The following PTPRR variants were observed in gnomAD, a reference collection of about 807,000 sequenced individuals.
PTPRR encodes the protein receptor-type tyrosine-protein phosphatase R.
PTPRR carries 38 observed loss-of-function variants against 77.2 expected under a neutral mutation model. That is an observed-to-expected ratio of 0.49 (90% CI 0.38 to 0.65). The LOEUF is 0.65. PTPRR is among the 30% of genes least tolerant of loss of function. PTPRR has a pLI of 0.00. For synonymous variants in PTPRR, 299 were observed against 283.1 expected (o/e 1.06, Z -0.57); for missense variants, 744 against 799.2 (o/e 0.93, Z 0.83).
At chr12:70,770,723 C>G (rs142783079) in intron 2 of PTPRR, among the ~76,000 whole-genome samples, 1,752 of 152,190 alleles carry the variant, frequency 0.012, 30 homozygotes, top group African/African-American at 0.04. Context: ...TATTGCGGCA[C>G]AATTCACAAT....
chr12:70,920,526 A>T lies in PTPRR; in HGVS notation c.-136T>A. On this transcript the variant is annotated 5_prime_UTR_variant, in exon 1 of 14. Coordinates refer to ENST00000283228, the MANE Select transcript of PTPRR (RefSeq NM_002849.4). The stretch of plus-strand genomic sequence containing the variant: ...CTCGGCTGGGGTTTGCAGAGCAGTC[A>T]GTCTGTGGCGCCGACAGAAACCAGC... The T allele has an allele frequency of 2.6e-6, 2 of 763,592 alleles. No homozygotes were observed. Among genetic ancestry groups the T allele is most frequent in the Non-Finnish European group, 2.2e-6 (1 of 460,440 alleles). The allele number at this position is 763,592 out of a possible 1,614,324, so 47.3% of individuals were successfully genotyped here. A position where few individuals can be genotyped will look rare whatever the true frequency, so the allele number is the denominator to read the frequency against.
At position 70,920,509 on chromosome 12, in the gene PTPRR, G is replaced by A. The variant is rs1297356607; in HGVS notation, c.-119C>T. The A allele has an allele frequency of 9.4e-6, 9 of 954,000 alleles. No homozygotes were observed. Among genetic ancestry groups the A allele is most frequent in the East Asian group, 8.0e-5 (3 of 37,488 alleles). 59.1% of individuals were successfully genotyped at this position (954,000 alleles called of 1,614,324 possible). A position where few individuals can be genotyped will look rare whatever the true frequency, so the allele number is the denominator to read the frequency against. On this transcript the variant is annotated 5_prime_UTR_variant, in exon 1 of 14. Coordinates refer to ENST00000283228, the MANE Select transcript of PTPRR (RefSeq NM_002849.4). ...TCTCCGGGATTCAGGTCCTCGGCTG[G>A]GGTTTGCAGAGCAGTCAGTCTGTGG...
At chr12:70,891,762 G>C (rs2137116283) in intron 2 of PTPRR, among the ~76,000 whole-genome samples, 1 of 151,990 alleles carries the variant, frequency 6.6e-6, no homozygotes, top group East Asian at 1.9e-4. Context: ...ATATGTAGTA[G>C]GTTAAAAAAA....
intron 8 of PTPRR, among the ~76,000 whole-genome samples, chr12:70,690,561 G>T (rs1264601137): frequency 6.6e-6 from 1 of 152,216 alleles, no homozygotes; most frequent in Non-Finnish European, 1.5e-5. Context: ...GCAGTGATTA[G>T]TTCAGTCTGG....
chr12:70,897,823 C>T (rs199586632), intron 1 of PTPRR, among the ~76,000 whole-genome samples: 1 of 151,776 alleles, frequency 6.6e-6, no homozygotes, highest in Non-Finnish European at 1.5e-5. Flanking sequence ...TACTATGCAG[C>T]CATAAAAAAG....
At chr12:70,820,914 T>C (rs1249897381) in intron 2 of PTPRR, among the ~76,000 whole-genome samples, 1 of 152,132 alleles carries the variant, frequency 6.6e-6, no homozygotes, top group Admixed American at 6.5e-5. Flanking sequence ...GTATAAGTCC[T>C]CAACTCTCTT....
rs186926082 is a variant in PTPRR at position 70,733,184 on chromosome 12, A to G, written c.1007+12634T>C. 9.1e-4 allele frequency among the ~76,000 whole-genome samples: 139 copies of G among 152,228 alleles called. 1 individual carries two copies. The highest frequency in any genetic ancestry group is 3.3e-3 in the African/African-American group (136 of 41,540). On this transcript the variant is annotated intron_variant, in intron 6 of 13. Transcript: ENST00000283228. ...CTATAAGACATTATTAGGGAACAATAATTTCATTTGATACACTGTTGTTAA... is the reference window on the plus strand; with the variant it reads ...CTATAAGACATTATTAGGGAACAATGATTTCATTTGATACACTGTTGTTAA...
At position 70,696,944 on chromosome 12, in the gene PTPRR, T is replaced by C. The variant is rs189093933; in HGVS notation, c.1279+1321A>G. On this transcript the variant is annotated intron_variant, in intron 8 of 13. Transcript: ENST00000283228. The stretch of plus-strand genomic sequence containing the variant: ...GGTTCATCAGTGCCTTGTTCCTTTT[T>C]ATTGATTCTATTGTGTGACTATACT... 2.9e-3 allele frequency among the ~76,000 whole-genome samples: 435 copies of C among 152,324 alleles called. 1 individual carries two copies. Among genetic ancestry groups the C allele is most frequent in the Non-Finnish European group, 3.0e-3 (202 of 68,018 alleles).
At chr12:70,670,403 C>T (rs1017942450) in intron 10 of PTPRR, among the ~76,000 whole-genome samples, 7 of 152,224 alleles carry the variant, frequency 4.6e-5, no homozygotes, top group Non-Finnish European at 1.0e-4. Context: ...ACTCCATCAA[C>T]TCACTAACTT....
At chr12:70,766,230 A>C (rs1890818613) in intron 2 of PTPRR, among the ~76,000 whole-genome samples, 1 of 152,214 alleles carries the variant, frequency 6.6e-6, no homozygotes, top group Non-Finnish European at 1.5e-5. Context: ...TACAGGAGGA[A>C]ATTCAAACCA....
rs555962730 is a variant in PTPRR, at chr12:70,890,411, A to G, written c.357+2268T>C. On this transcript the variant is annotated intron_variant, in intron 2 of 13. Transcript: ENST00000283228. ...AAATGCTTTGCGGTGGCAATTGGGA[A>G]TCAGGAAGGGAGGAGAGACACAACT... Among the ~76,000 whole-genome samples, 13 of 152,290 alleles carry G rather than the reference A, an allele frequency of 8.5e-5. 1 individual carries two copies. In the South Asian group the frequency reaches 2.7e-3, roughly 32 times the overall value.
At chr12:70,657,011 G>T (rs1886609910) in intron 12 of PTPRR, among the ~76,000 whole-genome samples, 194 bp from the exon 13 acceptor site, 1 of 151,392 alleles carries the variant, frequency 6.6e-6, no homozygotes, top group Non-Finnish European at 1.5e-5. Context: ...AGGATGAGAG[G>T]GGTGGGGGGA....
At chr12:70,713,171 C>T (rs1005419479) in intron 6 of PTPRR, among the ~76,000 whole-genome samples, 2 of 152,096 alleles carry the variant, frequency 1.3e-5, no homozygotes, top group Non-Finnish European at 2.9e-5. Flanking sequence ...TGTCTGACTT[C>T]TTTTACGTAG....
chr12:70,725,844 A>G (rs1049056612), intron 6 of PTPRR, among the ~76,000 whole-genome samples: 3 of 152,176 alleles, frequency 2.0e-5, no homozygotes, highest in Non-Finnish European at 4.4e-5. Flanking sequence ...ATACAGGCCA[A>G]TATTTCTAGA....
In PTPRR at chr12:70,764,749, G is replaced by A. The variant is rs1245791243; in HGVS notation, c.387C>T (p.Asn129=). Residue 129 remains asparagine (N), a synonymous_variant, in exon 3 of 14, where the codon AAC becomes AAT. Coordinates refer to ENST00000283228, the MANE Select transcript of PTPRR (RefSeq NM_002849.4). ...GGCGGAAGATCCGAAGCAAGGTTAT[G>A]TTCAGCTTGTTTACATCCATTTGCA... The part of the protein sequence containing the change: ...VTLQMDVNKL[N]ITLLRIFRQG... 5 of 1,614,028 alleles carry A rather than the reference G, an allele frequency of 3.1e-6. No individual in the cohort carries two copies. The highest frequency in any genetic ancestry group is 4.2e-6 in the Non-Finnish European group (5 of 1,179,930).
At chr12:70,875,209 A>C (rs1893030716) in intron 2 of PTPRR, among the ~76,000 whole-genome samples, 1 of 152,178 alleles carries the variant, frequency 6.6e-6, no homozygotes, top group African/African-American at 2.4e-5. Flanking sequence ...CTGAGACAGA[A>C]AGGAAAAATA....
intron 8 of PTPRR, among the ~76,000 whole-genome samples, chr12:70,687,649 T>C (rs543345403): frequency 9.2e-5 from 14 of 152,242 alleles, no homozygotes; most frequent in African/African-American, 3.4e-4. Context: ...CAAAAGATCC[T>C]AGCATGTCCT....
Position 70,920,661 on chromosome 12 carries a change from A to G in PTPRR, c.-271T>C, listed in dbSNP as rs918630180. On this transcript the variant is annotated 5_prime_UTR_variant, in exon 1 of 14. Coordinates refer to ENST00000283228, the MANE Select transcript of PTPRR (RefSeq NM_002849.4). ...CAAATGCCTGGCCTTCTGGACGCCC[A>G]GAAGCCAAGGCGGAGACGGCAGGGT... 3 of 379,274 alleles carry G rather than the reference A, an allele frequency of 7.9e-6. No individual in the cohort carries two copies. The highest frequency in any genetic ancestry group is 1.0e-5 in the Non-Finnish European group (2 of 199,472). 23.5% of individuals were successfully genotyped at this position (379,274 alleles called of 1,614,324 possible).
chr12:70,809,127 G>A (rs545259348), intron 2 of PTPRR, among the ~76,000 whole-genome samples: 3 of 152,270 alleles, frequency 2.0e-5, no homozygotes, highest in South Asian at 4.1e-4. Flanking sequence ...GTTCTGAGAT[G>A]TCTGCAAGGA....
Sources: gnomAD v4.1 joint callset for allele counts (sites outside exome capture counted in the v4.1 genomes callset) on GRCh38, gnomAD v4.1.1 for gene constraint, MANE v1.5 for transcripts, NCBI Gene and HGNC (gene_info 2026-07-23, HGNC 2026-07-21) for gene names.